GRID2: variants seen among roughly 807,000 people sequenced by gnomAD.
GRID2 encodes glutamate ionotropic receptor delta type subunit 2.
In GRID2, 33 loss-of-function variants were observed where a neutral mutation model predicts 114.8. The ratio of observed to expected loss-of-function variants is 0.29; its 90% CI spans 0.22 to 0.38. GRID2 has a LOEUF of 0.38. Ranked by LOEUF, GRID2 falls within the 10% of genes least tolerant of loss-of-function variation. The pLI, the probability that GRID2 is intolerant of heterozygous loss-of-function variation, is 1.00. For synonymous variants in GRID2, 505 were observed against 449.9 expected (o/e 1.12, Z -1.55); for missense variants, 1,184 against 1,257.7 (o/e 0.94, Z 0.89).
At chr4:93,327,288 A>G (rs998790522) in intron 8 of GRID2, among the ~76,000 whole-genome samples, 3 of 152,186 alleles carry the variant, frequency 2.0e-5, no homozygotes, top group African/African-American at 7.2e-5. Flanking sequence ...ACAGACATTA[A>G]AGGTCCAAAA....
chr4:93,296,478 A>G (rs1345656729), intron 8 of GRID2, among the ~76,000 whole-genome samples: 5 of 152,182 alleles, frequency 3.3e-5, no homozygotes, highest in Admixed American at 2.0e-4. Flanking sequence ...CAGGAAAGGT[A>G]CCTATTTCAG....
chr4:93,263,785 A>G (rs1461648906), intron 8 of GRID2, among the ~76,000 whole-genome samples: 1 of 152,080 alleles, frequency 6.6e-6, no homozygotes, highest in Non-Finnish European at 1.5e-5. Flanking sequence ...CTACTTAGTT[A>G]GAAACCTTTG....
chr4:92,864,615 C>G (rs1744739842), intron 2 of GRID2, among the ~76,000 whole-genome samples: 1 of 152,166 alleles, frequency 6.6e-6, no homozygotes, highest in Non-Finnish European at 1.5e-5. Context: ...AAACCACACC[C>G]TATTGCCTTT....
At chr4:92,714,908 G>A (rs542172399) in intron 2 of GRID2, among the ~76,000 whole-genome samples, 1 of 152,312 alleles carries the variant, frequency 6.6e-6, no homozygotes, top group South Asian at 2.1e-4. Flanking sequence ...ATGCCCTGGA[G>A]GCATTTTCCC....
chr4:92,987,799 ACT>A (rs1315194658), intron 2 of GRID2, among the ~76,000 whole-genome samples: 1 of 151,876 alleles, frequency 6.6e-6, no homozygotes, highest in Non-Finnish European at 1.5e-5. Context: ...GCAAATGCCA[ACT>A]CTCTCTAATT....
chr4:92,605,936 T>A (rs1023108023), intron 2 of GRID2, among the ~76,000 whole-genome samples: 1 of 152,132 alleles, frequency 6.6e-6, no homozygotes, highest in African/African-American at 2.4e-5. Flanking sequence ...ACTTTTTTAC[T>A]GGACCCTTTT....
At chr4:93,770,137 G>A (rs1225639556) in intron 15 of GRID2, among the ~76,000 whole-genome samples, 1 of 152,104 alleles carries the variant, frequency 6.6e-6, no homozygotes, top group African/African-American at 2.4e-5. Flanking sequence ...TCATCAAGAA[G>A]TATGAGACTT....
chr4:92,501,580 A>G (rs1723685194), intron 1 of GRID2, among the ~76,000 whole-genome samples: 1 of 152,106 alleles, frequency 6.6e-6, no homozygotes, highest in South Asian at 2.1e-4. Flanking sequence ...TCCTCTAATG[A>G]TCAAGGCCTG....
intron 13 of GRID2, among the ~76,000 whole-genome samples, chr4:93,587,169 G>A (rs2149604236): frequency 6.6e-6 from 1 of 152,060 alleles, no homozygotes; most frequent in South Asian, 2.1e-4. Context: ...TTGTGCCACA[G>A]ACTGCTCGAG....
chr4:93,502,411 AT>A (rs1383698622), intron 12 of GRID2, among the ~76,000 whole-genome samples: 1 of 152,110 alleles, frequency 6.6e-6, no homozygotes, highest in African/African-American at 2.4e-5. Context: ...AAGGTGTGAG[AT>A]AAAACTGATA....
chr4:92,730,075 T>C (rs1427330219), intron 2 of GRID2, among the ~76,000 whole-genome samples: 1 of 151,982 alleles, frequency 6.6e-6, no homozygotes, highest in Non-Finnish European at 1.5e-5. Context: ...TAAACTCTCT[T>C]TGAGTCCTTT....
At chr4:93,169,467 T>C (rs74781965) in intron 4 of GRID2, among the ~76,000 whole-genome samples, 3,577 of 152,250 alleles carry the variant, frequency 0.023, 143 homozygotes, top group African/African-American at 0.081. Context: ...AAATTAGCCC[T>C]AATGTATTCA....
intron 1 of GRID2, among the ~76,000 whole-genome samples, chr4:92,589,110 ACAAC>A (rs1344492767): frequency 6.6e-6 from 1 of 152,170 alleles, no homozygotes; most frequent in African/African-American, 2.4e-5. Flanking sequence ...CATCTCAAAA[ACAAC>A]CAACCAACCA....
intron 2 of GRID2, among the ~76,000 whole-genome samples, chr4:92,635,891 A>G (rs1323170856): frequency 6.6e-6 from 1 of 152,062 alleles, no homozygotes; most frequent in African/African-American, 2.4e-5. Flanking sequence ...TATTTGCATA[A>G]GAACTTTTTG....
At chr4:93,771,386 A>G (rs1734095435) in intron 15 of GRID2, among the ~76,000 whole-genome samples, 1 of 152,200 alleles carries the variant, frequency 6.6e-6, no homozygotes, top group Non-Finnish European at 1.5e-5. Flanking sequence ...AACTAAAGCT[A>G]TCACTCACGT....
At position 93,547,221 on chromosome 4, in the gene GRID2, G is replaced by T. The variant is rs564624792; in HGVS notation, c.2193+31810G>T. Among the ~76,000 whole-genome samples the T allele has an allele frequency of 1.2e-4, 18 of 152,232 alleles. No homozygotes were observed. The South Asian group carries it at 3.1e-3, about 26-fold the overall frequency. ...AATAGACTAGGGATTTCTAATCTGG[G>T]TGAATATTATTACAAAAATATTTTT... On this transcript the variant is annotated intron_variant, in intron 13 of 15. Coordinates refer to ENST00000282020, the MANE Select transcript of GRID2 (RefSeq NM_001510.4).
At chr4:92,999,844 T>G (rs1755429800) in intron 2 of GRID2, among the ~76,000 whole-genome samples, 1 of 151,690 alleles carries the variant, frequency 6.6e-6, no homozygotes, top group African/African-American at 2.4e-5. Flanking sequence ...TTTACTAGTT[T>G]ATATTTTCAT....
At chr4:93,050,455 G>T (rs1240467984) in intron 2 of GRID2, among the ~76,000 whole-genome samples, 1 of 151,616 alleles carries the variant, frequency 6.6e-6, no homozygotes, top group Non-Finnish European at 1.5e-5. Flanking sequence ...TGAGCAAACT[G>T]GGTTGCCGTG....
intron 2 of GRID2, among the ~76,000 whole-genome samples, chr4:92,940,676 C>G (rs974171065): frequency 6.6e-6 from 1 of 152,160 alleles, no homozygotes; most frequent in East Asian, 1.9e-4. Flanking sequence ...CCAGGTTTTG[C>G]CCATTCAGTA....
Sources: allele counts gnomAD v4.1 joint callset (sites outside exome capture counted in the v4.1 genomes callset), GRCh38; gene constraint gnomAD v4.1.1; transcripts MANE v1.5; gene names NCBI Gene and HGNC (gene_info 2026-07-23, HGNC 2026-07-21).